The following WNK2 variants were observed in gnomAD, a reference collection of about 807,000 sequenced individuals.
WNK2 encodes the protein WNK lysine deficient protein kinase 2.
In WNK2, 67 loss-of-function variants were observed where a neutral mutation model predicts 192.1. That is an observed-to-expected ratio of 0.35 (90% CI 0.29 to 0.43). The LOEUF (loss-of-function observed/expected upper bound fraction) is 0.43, where lower values mean the gene tolerates loss of function less well. Ranked by LOEUF, WNK2 falls within the 20% of genes least tolerant of loss-of-function variation. The pLI is 1.00. For synonymous variants in WNK2, 1,439 were observed against 1,393.9 expected, an observed-to-expected ratio of 1.03 and a Z score of -0.72; for missense variants, 2,698 against 3,089.7, an observed-to-expected ratio of 0.87 and a Z score of 3.01.
chr9:93,270,314 A>G (rs756481728), intron 19 of WNK2, among the ~76,000 whole-genome samples: 1 of 152,242 alleles, frequency 6.6e-6, no homozygotes, highest in Non-Finnish European at 1.5e-5. Context: ...TGGGCCTCAC[A>G]TGACTTGTAT....
chr9:93,288,387 A>G (rs1369393172), intron 19 of WNK2, among the ~76,000 whole-genome samples: 1 of 152,240 alleles, frequency 6.6e-6, no homozygotes, highest in African/African-American at 2.4e-5. Flanking sequence ...ACTTTTGTCC[A>G]GTGCAAGATA....
At chr9:93,201,068 C>A (rs1332695199) in intron 2 of WNK2, among the ~76,000 whole-genome samples, 1 of 152,150 alleles carries the variant, frequency 6.6e-6, no homozygotes, top group African/African-American at 2.4e-5. Flanking sequence ...GCAGCCCCTC[C>A]CCAGTGAGGA....
chr9:93,194,496 A>G (rs1436118656), intron 2 of WNK2, among the ~76,000 whole-genome samples: 1 of 152,262 alleles, frequency 6.6e-6, no homozygotes, highest in East Asian at 1.9e-4. Context: ...ATTGCAAATT[A>G]AAACAATGAG....
At chr9:93,184,844 T>G in intron 1 of WNK2, 84 bp from the exon 2 acceptor site, 2 of 1,119,150 alleles carry the variant, frequency 1.8e-6, no homozygotes, top group Non-Finnish European at 2.2e-6. Flanking sequence ...GTTGCGGGCT[T>G]AGGGCGGCGT....
At chr9:93,214,702 C>G (rs905734187) in intron 2 of WNK2, among the ~76,000 whole-genome samples, 33 of 101,370 alleles carry the variant, frequency 3.3e-4, no homozygotes, top group East Asian at 2.9e-3. Flanking sequence ...GTAGTGCCCC[C>G]CCCCCCCCCG....
intron 2 of WNK2, among the ~76,000 whole-genome samples, chr9:93,221,348 G>A (rs1265460788): frequency 1.3e-5 from 2 of 152,196 alleles, no homozygotes; most frequent in Non-Finnish European, 2.9e-5. Flanking sequence ...CTTGTCCCGG[G>A]GAAGGACAGC....
Position 93,185,412 on chromosome 9 carries a change from G to A in WNK2, c.483G>A (p.Ala161=), listed in dbSNP as rs1470041200. Reference sequence around the variant, plus strand: ...AGGAGGATGAGGGGGCGGCCGAGGCGAAGCCTGAGCCCGGGCGCACTCGCC... The same window carrying A: ...AGGAGGATGAGGGGGCGGCCGAGGCAAAGCCTGAGCCCGGGCGCACTCGCC... The part of the protein sequence containing the change: ...VRKEDEGAAE[A]KPEPGRTRRD... The change falls in exon 2 of 30, where the codon GCG becomes GCA. Residue 161 remains alanine (A), a synonymous_variant. Coordinates refer to ENST00000427277, the MANE Select transcript of WNK2 (RefSeq NM_006648.4). 1 of 1,609,146 alleles carries A rather than the reference G, an allele frequency of 6.2e-7. No homozygotes were observed. The highest frequency in any genetic ancestry group is 1.7e-5 in the Admixed American group (1 of 59,618).
At chr9:93,269,671 G>GA (rs1268951469) in intron 19 of WNK2, among the ~76,000 whole-genome samples, 3 of 152,144 alleles carry the variant, frequency 2.0e-5, no homozygotes, top group Non-Finnish European at 4.4e-5. Context: ...CCAATTATAA[G>GA]AAAAACCCTC....
chr9:93,299,741 C>G (rs2134069206), intron 25 of WNK2, among the ~76,000 whole-genome samples: 1 of 152,352 alleles, frequency 6.6e-6, no homozygotes, highest in Non-Finnish European at 1.5e-5. Flanking sequence ...GCTGCGTGGA[C>G]AGCAGCAGCT....
Position 93,289,595 on chromosome 9 carries a change from G to C in WNK2, c.4841G>C (p.Gly1614Ala). 6.7e-7 allele frequency: 1 copy of C among 1,495,832 alleles called. No individual in the cohort carries two copies. Among genetic ancestry groups the C allele is most frequent in the Non-Finnish European group, 8.9e-7 (1 of 1,127,234 alleles). The allele number at this position is 1,495,832 out of a possible 1,614,324, so 92.7% of individuals were successfully genotyped here. A position where few individuals can be genotyped will look rare whatever the true frequency, so the allele number is the denominator to read the frequency against. The change falls in exon 20 of 30, where the codon GGG (glycine) becomes GCG (alanine). Residue 1614 changes from glycine (G) to alanine (A), a missense_variant. Coordinates refer to ENST00000427277, the MANE Select transcript of WNK2 (RefSeq NM_006648.4). ...CCAGTGCCTAAGGAGGCGGTCTCAG[G>C]GCGTGTCCAGCTGCCCCAGCCCTTG... ...LPPVPKEAVSGRVQLPQPLVE... is the reference protein window; with the variant it reads ...LPPVPKEAVSARVQLPQPLVE...
chr9:93,298,115 C>A lies in WNK2; in HGVS notation c.5923+48C>A. The A allele has an allele frequency of 2.0e-6, 3 of 1,537,902 alleles. No homozygotes were observed. In the South Asian group the frequency reaches 3.6e-5, roughly 18 times the overall value. On this transcript the variant is annotated intron_variant, in intron 24 of 29. Transcript: ENST00000427277. Reference sequence around the variant, plus strand: ...GGGATGGGAGCGGGGCTGGGGACCCCCGAGTGAGCCTGGGAGGTAGGCTCC... The same window carrying A: ...GGGATGGGAGCGGGGCTGGGGACCCACGAGTGAGCCTGGGAGGTAGGCTCC...
chr9:93,320,279 G>A (rs1199145683), intron 29 of WNK2, 88 bp from the exon 30 acceptor site: 17 of 1,344,514 alleles, frequency 1.3e-5, no homozygotes, highest in Admixed American at 3.8e-5. Flanking sequence ...CCCGTCGGCA[G>A]CTCCTGGGAG....
chr9:93,256,570 G>T, intron 10 of WNK2, 116 bp downstream of exon 10: 1 of 1,272,284 alleles, frequency 7.9e-7, no homozygotes. Flanking sequence ...ATTCTCTGTG[G>T]TTCCCCCAGG....
chr9:93,234,705 G>C (rs1839508405), intron 4 of WNK2, 103 bp from the exon 5 acceptor site: 1 of 1,365,702 alleles, frequency 7.3e-7, no homozygotes, highest in African/African-American at 1.4e-5. Flanking sequence ...GGGATGTGGA[G>C]GGGACATGGG....
At position 93,239,617 on chromosome 9, in the gene WNK2, C is replaced by G. The variant is rs1415271646; in HGVS notation, c.1323-140C>G. 1.5e-6 allele frequency: 1 copy of G among 654,650 alleles called. No individual in the cohort carries two copies. The highest frequency in any genetic ancestry group is 1.8e-5 in the African/African-American group (1 of 54,790). The allele number at this position is 654,650 out of a possible 1,614,324, so 40.6% of individuals were successfully genotyped here. ...GATTCACTGAAATCTTTTCTTTACC[C>G]CTGGGAGTGCTGAGACATGAGGCCT... On this transcript the variant is annotated intron_variant, in intron 6 of 29. Transcript: ENST00000427277. The surrounding 1 kb of genome is among the most constrained non-coding windows in gnomAD (Gnocchi z 4.2).
intron 7 of WNK2, among the ~76,000 whole-genome samples, chr9:93,242,607 C>T (rs951462500): frequency 2.6e-5 from 4 of 152,206 alleles, no homozygotes; most frequent in Non-Finnish European, 2.9e-5. Context: ...CTATGTACAG[C>T]GTGTAAGCTG....
Position 93,257,258 on chromosome 9 carries a change from G to C in WNK2, c.2382+119G>C, listed in dbSNP as rs1385827994. Reference sequence around the variant, plus strand: ...GCATGTGACCTGTGACCTGGGGTTGGGCTGGCCAGGGAGTTGGGGCTGGGC... The same window carrying C: ...GCATGTGACCTGTGACCTGGGGTTGCGCTGGCCAGGGAGTTGGGGCTGGGC... On this transcript the variant is annotated intron_variant, in intron 11 of 29. Coordinates refer to ENST00000427277, the MANE Select transcript of WNK2 (RefSeq NM_006648.4). The surrounding 1 kb of genome is among the most constrained non-coding windows in gnomAD (Gnocchi z 4.7). 2 of 1,146,964 alleles carry C rather than the reference G, an allele frequency of 1.7e-6. No homozygotes were observed. The highest frequency in any genetic ancestry group is 2.4e-6 in the Non-Finnish European group (2 of 825,058). 71.0% of individuals were successfully genotyped at this position (1,146,964 alleles called of 1,614,324 possible). A position where few individuals can be genotyped will look rare whatever the true frequency, so the allele number is the denominator to read the frequency against.
At chr9:93,231,443 G>C (rs954929950) in intron 4 of WNK2, among the ~76,000 whole-genome samples, 4 of 152,250 alleles carry the variant, frequency 2.6e-5, no homozygotes, top group Admixed American at 1.3e-4. Context: ...TGCCAGCTCT[G>C]ATTGTCTAGC....
chr9:93,201,526 G>T (rs947047253), intron 2 of WNK2, among the ~76,000 whole-genome samples: 1 of 152,234 alleles, frequency 6.6e-6, no homozygotes. Context: ...TGTCAGCCTG[G>T]CCTGGCCTAT....
Sources: allele counts gnomAD v4.1 joint callset (sites outside exome capture counted in the v4.1 genomes callset), GRCh38; gene constraint gnomAD v4.1.1; non-coding constraint Gnocchi (gnomAD v3.1); transcripts MANE v1.5; gene names NCBI Gene and HGNC (gene_info 2026-07-23, HGNC 2026-07-21).